Variants in PPP3CC observed in about 807,000 individuals in gnomAD.
PPP3CC encodes protein phosphatase 3 catalytic subunit gamma.
Under a neutral mutation model 60.3 loss-of-function variants are expected in PPP3CC, and 35 were observed. That is an observed-to-expected ratio of 0.58 (90% CI 0.44 to 0.77). The LOEUF (loss-of-function observed/expected upper bound fraction) is 0.77, where lower values mean the gene tolerates loss of function less well. Ranked by LOEUF, PPP3CC falls within the 30% of genes least tolerant of loss-of-function variation. The pLI, the probability that PPP3CC is intolerant of heterozygous loss-of-function variation, is 0.00. For synonymous variants in PPP3CC, 206 were observed against 224.3 expected, an observed-to-expected ratio of 0.92 and a Z score of 0.73; for missense variants, 570 against 628.9, an observed-to-expected ratio of 0.91 and a Z score of 1.00.
At chr8:22,475,792 C>G (rs1035885556) in intron 3 of PPP3CC, 168 bp downstream of exon 3, 8 of 678,604 alleles carry the variant, frequency 1.2e-5, no homozygotes, top group Non-Finnish European at 1.8e-5. Context: ...ACAGTTATTC[C>G]TTTTTTAAAA....
At chr8:22,526,751 G>T (rs1365035341) in intron 8 of PPP3CC, among the ~76,000 whole-genome samples, 2 of 152,196 alleles carry the variant, frequency 1.3e-5, no homozygotes, top group South Asian at 2.1e-4. Context: ...CAAAGTATGT[G>T]TGCGACTATC....
Position 22,508,902 on chromosome 8 carries a change from A to G in PPP3CC, c.485-2184A>G, listed in dbSNP as rs143911587. ...AGAGTATAAGGATGTAACTGTAAGG[A>G]GAGGCAATGATGCATAAGACATGGT... On this transcript the variant is annotated intron_variant, in intron 4 of 13. Transcript: ENST00000240139. Among the ~76,000 whole-genome samples, 602 of 152,350 alleles carry G rather than the reference A, an allele frequency of 4.0e-3. 6 individuals are homozygous for G. Among genetic ancestry groups the G allele is most frequent in the African/African-American group, 0.014 (576 of 41,582 alleles).
At chr8:22,470,856 A>G (rs892070643) in intron 1 of PPP3CC, among the ~76,000 whole-genome samples, 9 of 152,202 alleles carry the variant, frequency 5.9e-5, no homozygotes, top group African/African-American at 1.7e-4. Context: ...GGTAAAACCA[A>G]TGTTGACCCC....
chr8:22,522,746 A>T lies in PPP3CC; in HGVS notation c.940A>T (p.Lys314Ter). 6.4e-7 allele frequency: 1 copy of T among 1,554,834 alleles called. No homozygotes were observed. The highest frequency in any genetic ancestry group is 8.9e-7 in the Non-Finnish European group (1 of 1,127,616). The change falls in exon 8 of 14, where the codon AAA becomes TAA. Residue 314 changes from lysine (K) to a stop codon, truncating the protein, a stop_gained. Coordinates refer to ENST00000240139, the MANE Select transcript of PPP3CC (RefSeq NM_005605.5). LOFTEE classifies it high-confidence loss of function. ...APNYLDVYNN[K>*]AAVLKYENNV... ...CAATTACCTAGATGTCTATAACAATAAAGGTAAAGGAATCCAGCAATATTT... is the reference window on the plus strand; with the variant it reads ...CAATTACCTAGATGTCTATAACAATTAAGGTAAAGGAATCCAGCAATATTT...
chr8:22,528,474 G>A (rs759601425), intron 9 of PPP3CC, 32 bp from the exon 10 acceptor site: 63 of 1,413,636 alleles, frequency 4.5e-5, no homozygotes, highest in Middle Eastern at 1.8e-4. Context: ...CTCATTAATC[G>A]CGTAAATTTT....
chr8:22,473,360 T>C (rs1479938953), intron 1 of PPP3CC, among the ~76,000 whole-genome samples: 1 of 152,118 alleles, frequency 6.6e-6, no homozygotes, highest in Non-Finnish European at 1.5e-5. Context: ...TTAAATGAAC[T>C]TGCTAATTCT....
intron 4 of PPP3CC, 66 bp from the exon 5 acceptor site, chr8:22,511,020 C>A: frequency 6.6e-7 from 1 of 1,512,432 alleles, no homozygotes; most frequent in Non-Finnish European, 9.1e-7. Flanking sequence ...ATTCTCCTGG[C>A]CTATATCCTT....
intron 1 of PPP3CC, among the ~76,000 whole-genome samples, chr8:22,444,234 C>T (rs986663731): frequency 1.5e-4 from 22 of 143,998 alleles, no homozygotes; most frequent in African/African-American, 5.9e-4. Flanking sequence ...GTAGCCTGGG[C>T]GACAAGAGTG....
chr8:22,475,265 A>G, intron 2 of PPP3CC, 114 bp downstream of exon 2: 3 of 1,089,298 alleles, frequency 2.8e-6, no homozygotes, highest in East Asian at 5.0e-5. Context: ...TCTAGAAATT[A>G]TGAGACAGTC....
chr8:22,450,849 T>G (rs1297627643), intron 1 of PPP3CC, among the ~76,000 whole-genome samples: 1 of 142,462 alleles, frequency 7.0e-6, no homozygotes, highest in African/African-American at 2.6e-5. Context: ...ATTTATTTAT[T>G]TATTGAGACG....
chr8:22,451,816 G>A (rs1484968809), intron 1 of PPP3CC, among the ~76,000 whole-genome samples: 2 of 152,124 alleles, frequency 1.3e-5, no homozygotes, highest in Non-Finnish European at 2.9e-5. Context: ...CACATTCTGT[G>A]TATATGAAAC....
chr8:22,506,395 C>A (rs1838921454), intron 4 of PPP3CC, among the ~76,000 whole-genome samples: 1 of 152,150 alleles, frequency 6.6e-6, no homozygotes, highest in South Asian at 2.1e-4. Flanking sequence ...ATTCTTAACT[C>A]CACTCTTCAT....
intron 2 of PPP3CC, 143 bp downstream of exon 2, chr8:22,475,294 T>C (rs1837852837): frequency 1.0e-6 from 1 of 983,478 alleles, no homozygotes; most frequent in African/African-American, 1.6e-5. Flanking sequence ...TTAGGATATT[T>C]GTTGTTAATT....
chr8:22,507,076 G>T (rs1838947863), intron 4 of PPP3CC, among the ~76,000 whole-genome samples: 1 of 152,036 alleles, frequency 6.6e-6, no homozygotes, highest in Non-Finnish European at 1.5e-5. Context: ...CTATGATAAT[G>T]CCACTGCATT....
At chr8:22,499,753 T>A (rs1563746235) in intron 4 of PPP3CC, among the ~76,000 whole-genome samples, 1 of 152,266 alleles carries the variant, frequency 6.6e-6, no homozygotes, top group East Asian at 1.9e-4. Flanking sequence ...TATCTGCGTA[T>A]AAGACATACA....
intron 3 of PPP3CC, among the ~76,000 whole-genome samples, chr8:22,486,371 C>G (rs1362765125): frequency 6.6e-6 from 1 of 152,112 alleles, no homozygotes; most frequent in African/African-American, 2.4e-5. Flanking sequence ...AATCAATTTC[C>G]TGTCACTAAT....
chr8:22,447,175 A>ATTT (rs1161858120), intron 1 of PPP3CC, among the ~76,000 whole-genome samples: 125 of 116,268 alleles, frequency 1.1e-3, no homozygotes, highest in Middle Eastern at 5.6e-3. Flanking sequence ...TGTCCAACTA[A>ATTT]TTTTTTTTTT....
chr8:22,457,356 T>C (rs1837233564), intron 1 of PPP3CC, among the ~76,000 whole-genome samples: 1 of 150,632 alleles, frequency 6.6e-6, no homozygotes, highest in East Asian at 2.0e-4. Flanking sequence ...GAATTTTTTT[T>C]CCAAGGCTGG....
At chr8:22,474,476 G>A (rs1837826684) in intron 1 of PPP3CC, among the ~76,000 whole-genome samples, 1 of 152,026 alleles carries the variant, frequency 6.6e-6, no homozygotes, top group Non-Finnish European at 1.5e-5. Flanking sequence ...GGCCGAGGCA[G>A]GTGGATCACC....
Sources: gnomAD v4.1 joint callset for allele counts (sites outside exome capture counted in the v4.1 genomes callset) on GRCh38, gnomAD v4.1.1 for gene constraint, MANE v1.5 for transcripts, NCBI Gene and HGNC (gene_info 2026-07-23, HGNC 2026-07-21) for gene names.